Variants in CCDC33 observed in about 807,000 individuals in gnomAD.
The protein encoded by CCDC33 is coiled-coil domain-containing protein 33.
Under a neutral mutation model 91.9 loss-of-function variants are expected in CCDC33, and 94 were observed. The ratio of observed to expected loss-of-function variants is 1.02; its 90% CI spans 0.87 to 1.21. The LOEUF is 1.21. Ranked by LOEUF, CCDC33 falls within the 50% of genes most tolerant of loss-of-function variation. The pLI, the probability that CCDC33 is intolerant of heterozygous loss-of-function variation, is 0.00. For missense variants in CCDC33, 940 were observed against 935.5 expected (o/e 1.00, Z -0.06); for synonymous variants, 396 against 374.5 (o/e 1.06, Z -0.66).
At chr15:74,325,940 T>C (rs889764678) in intron 11 of CCDC33, among the ~76,000 whole-genome samples, 2 of 152,140 alleles carry the variant, frequency 1.3e-5, no homozygotes, top group Non-Finnish European at 2.9e-5. Flanking sequence ...TCCTCCTCCT[T>C]CGTGGGAACT....
At chr15:74,308,905 G>T (rs111385784) in intron 11 of CCDC33, among the ~76,000 whole-genome samples, 4,320 of 152,170 alleles carry the variant, frequency 0.028, 82 homozygotes, top group Middle Eastern at 0.061. Context: ...TCAGTAGGGA[G>T]CTGCCACGCT....
At position 74,260,758 on chromosome 15, in the gene CCDC33, G is replaced by T. The variant is rs367879093; in HGVS notation, c.186-1682G>T. Among the ~76,000 whole-genome samples the T allele has an allele frequency of 8.5e-5, 13 of 152,280 alleles. No homozygotes were observed. In the East Asian group the frequency reaches 2.3e-3, roughly 27 times the overall value. On this transcript the variant is annotated intron_variant, in intron 2 of 18. Transcript: ENST00000398814. Reference sequence around the variant, plus strand: ...CATTCCCAATTGTAGACCCAGAACTGGGGGCATGATGGGGAAAAATCACGC... The same window carrying T: ...CATTCCCAATTGTAGACCCAGAACTTGGGGCATGATGGGGAAAAATCACGC...
chr15:74,277,019 CAG>C (rs1287155731), intron 7 of CCDC33, among the ~76,000 whole-genome samples: 2 of 152,192 alleles, frequency 1.3e-5, no homozygotes, highest in South Asian at 4.1e-4. Flanking sequence ...GGGTCGGGGG[CAG>C]AGTCTGGCTC....
intron 11 of CCDC33, among the ~76,000 whole-genome samples, chr15:74,329,556 T>C (rs2060383103): frequency 1.3e-5 from 2 of 152,200 alleles, no homozygotes; most frequent in African/African-American, 4.8e-5. Context: ...GACATTAGGA[T>C]TGCTGTTGTT....
chr15:74,215,873 CCAAAA>C (rs2074430595), upstream of CCDC33, among the ~76,000 whole-genome samples: 1 of 134,900 alleles, frequency 7.4e-6, no homozygotes, highest in Admixed American at 7.4e-5. Flanking sequence ...CTCGATCTCA[CCAAAA>C]AAAAAAAAAA....
chr15:74,266,788 G>A lies in CCDC33; in HGVS notation c.429+1G>A, dbSNP rs1228582192. On this transcript the variant is annotated splice_donor_variant, in intron 4 of 18. Coordinates refer to ENST00000398814, the MANE Select transcript of CCDC33 (RefSeq NM_025055.5). LOFTEE classifies it high-confidence loss of function. Reference sequence around the variant, plus strand: ...CCCCTACCACTTTGAGCTGGTGAAGGTGAGTCAGAGGCCTGGGGAAGTGCC... The same window carrying A: ...CCCCTACCACTTTGAGCTGGTGAAGATGAGTCAGAGGCCTGGGGAAGTGCC... The A allele has an allele frequency of 5.6e-6, 9 of 1,609,300 alleles. No homozygotes were observed. Among genetic ancestry groups the A allele is most frequent in the Non-Finnish European group, 7.7e-6 (9 of 1,175,758 alleles).
At chr15:74,277,431 A>G (rs528465089) in intron 7 of CCDC33, among the ~76,000 whole-genome samples, 1 of 152,344 alleles carries the variant, frequency 6.6e-6, no homozygotes, top group Non-Finnish European at 1.5e-5. Context: ...CATGGAATGA[A>G]GGCTCTGTCC....
intron 5 of CCDC33, 65 bp downstream of exon 5, chr15:74,268,523 C>A: frequency 7.9e-7 from 1 of 1,261,708 alleles, no homozygotes; most frequent in Non-Finnish European, 1.2e-6. Context: ...TTGAGCAGGC[C>A]CCACGCCTTG....
At chr15:74,247,985 G>A (rs780634416) in intron 2 of CCDC33, among the ~76,000 whole-genome samples, 20 of 152,160 alleles carry the variant, frequency 1.3e-4, no homozygotes, top group Non-Finnish European at 2.4e-4. Flanking sequence ...GCTGAGGCAG[G>A]AGAATCACTT....
chr15:74,245,820 G>T (rs1448328747), intron 2 of CCDC33, among the ~76,000 whole-genome samples: 4 of 152,212 alleles, frequency 2.6e-5, no homozygotes, highest in Non-Finnish European at 5.9e-5. Flanking sequence ...CTCCAGCTGG[G>T]AGCAGCGCCC....
intron 2 of CCDC33, among the ~76,000 whole-genome samples, chr15:74,211,377 C>G (rs992423565): frequency 1.3e-4 from 19 of 145,150 alleles, no homozygotes; most frequent in Admixed American, 2.0e-4. Flanking sequence ...GTCTCTCTGT[C>G]AATATCTGCC....
intron 11 of CCDC33, among the ~76,000 whole-genome samples, chr15:74,308,989 C>G (rs2059942510): frequency 6.6e-6 from 1 of 151,886 alleles, no homozygotes; most frequent in African/African-American, 2.4e-5. Context: ...GGTGGGGGGG[C>G]TCCTGTGGAG....
chr15:74,335,251 A>C, intron 18 of CCDC33, 163 bp downstream of exon 18: 1 of 739,380 alleles, frequency 1.4e-6, no homozygotes, highest in Non-Finnish European at 2.5e-6. Flanking sequence ...TACCAACCGA[A>C]GGCTCGGTCT....
At position 74,335,227 on chromosome 15, in the gene CCDC33, C is replaced by T. The variant is rs1203721555; in HGVS notation, c.2139+139C>T. The T allele has an allele frequency of 9.0e-6, 7 of 777,370 alleles. No homozygotes were observed. In the East Asian group the frequency reaches 1.7e-4, roughly 19 times the overall value. The allele number at this position is 777,370 out of a possible 1,614,324, so 48.2% of individuals were successfully genotyped here. ...CTGGGGGTCAGGAGTCCTAGGCTCC[C>T]ATTCCTGCTCCATTACCAACCGAAG... On this transcript the variant is annotated intron_variant, in intron 18 of 18. Transcript: ENST00000398814.
At chr15:74,285,119 TCA>T (rs1217422075) in intron 10 of CCDC33, among the ~76,000 whole-genome samples, 10 of 152,240 alleles carry the variant, frequency 6.6e-5, no homozygotes, top group Admixed American at 4.6e-4. Flanking sequence ...GTCAGTGCTG[TCA>T]CAGAGCGGAA....
intron 16 of CCDC33, 44 bp from the exon 17 acceptor site, chr15:74,333,832 GCCACA>G (rs1249614714): frequency 6.7e-7 from 1 of 1,499,390 alleles, no homozygotes; most frequent in Admixed American, 1.7e-5. Flanking sequence ...AGCTCACACT[GCCACA>G]GCCTCCAGCT....
chr15:74,209,666 G>A, intron 2 of CCDC33: 1 of 549,462 alleles, frequency 1.8e-6, no homozygotes, highest in Non-Finnish European at 3.2e-6. Context: ...AACCTCCAAC[G>A]CTGCTGGACA....
chr15:74,322,297 C>T (rs1303882079), intron 11 of CCDC33, among the ~76,000 whole-genome samples: 2 of 152,216 alleles, frequency 1.3e-5, no homozygotes, highest in African/African-American at 2.4e-5. Context: ...GGACGACCTA[C>T]GGGCAGGGGC....
At chr15:74,327,296 G>A (rs1490817326) in intron 11 of CCDC33, among the ~76,000 whole-genome samples, 2 of 152,166 alleles carry the variant, frequency 1.3e-5, no homozygotes, top group East Asian at 1.9e-4. Context: ...CTCCTTCCTC[G>A]CTCTGGGCCC....
Sources: gnomAD v4.1 joint callset for allele counts (sites outside exome capture counted in the v4.1 genomes callset) on GRCh38, gnomAD v4.1.1 for gene constraint, MANE v1.5 for transcripts, NCBI Gene and HGNC (gene_info 2026-07-23, HGNC 2026-07-21) for gene names.